AFG1L: variants seen among roughly 807,000 people sequenced by gnomAD.
AFG1L encodes AFG1 like ATPase.
A neutral mutation model predicts 62.2 loss-of-function variants in AFG1L; 53 were observed. That is an observed-to-expected ratio of 0.85 (90% CI 0.68 to 1.07). The LOEUF (loss-of-function observed/expected upper bound fraction) is 1.07. AFG1L is among the 50% of genes least tolerant of loss of function. The probability of loss-of-function intolerance (pLI) is 0.00; values close to 1 mark genes in which losing one functional copy is unlikely to be tolerated. For synonymous variants in AFG1L, 228 were observed against 210.3 expected, an observed-to-expected ratio of 1.08 and a Z score of -0.73; for missense variants, 555 against 590.5, an observed-to-expected ratio of 0.94 and a Z score of 0.62.
intron 12 of AFG1L, 116 bp from the exon 13 acceptor site, chr6:108,522,169 AAAAAAAAGTTAT>A (rs1775149555): frequency 1.3e-6 from 1 of 744,024 alleles, no homozygotes; most frequent in Non-Finnish European, 2.1e-6. Context: ...TGTATATGGA[AAAAAAAAGTTAT>A]AAAAAAAGGC....
At chr6:108,459,777 A>T (rs1310015286) in intron 8 of AFG1L, among the ~76,000 whole-genome samples, 1 of 152,226 alleles carries the variant, frequency 6.6e-6, no homozygotes, top group Non-Finnish European at 1.5e-5. Flanking sequence ...ATGATCACAA[A>T]TTCTATAATA....
At chr6:108,449,761 C>A (rs550511094) in intron 8 of AFG1L, among the ~76,000 whole-genome samples, 4 of 152,100 alleles carry the variant, frequency 2.6e-5, no homozygotes, top group Non-Finnish European at 5.9e-5. Flanking sequence ...CTCTCCCCAC[C>A]CAACAACAGG....
rs749400497 is a variant in AFG1L, at chr6:108,522,287, T to C, written c.1318-10T>C. On this transcript the variant is annotated splice_polypyrimidine_tract_variant and intron_variant, in intron 12 of 12. Coordinates refer to ENST00000368977, the MANE Select transcript of AFG1L (RefSeq NM_145315.5). ...ATAGCTTTATTTTAATTTCTTTGTT[T>C]TATAACCAGGATTCAGCAGAAGGAC... The C allele has an allele frequency of 6.8e-6, 11 of 1,610,224 alleles. No individual in the cohort carries two copies. The African/African-American group carries it at 1.3e-4, about 20-fold the overall frequency.
chr6:108,443,988 C>G (rs993987620), intron 7 of AFG1L, among the ~76,000 whole-genome samples: 6 of 152,022 alleles, frequency 3.9e-5, no homozygotes, highest in Non-Finnish European at 7.4e-5. Flanking sequence ...AAAATGTCAG[C>G]CTATAGTTGT....
chr6:108,497,855 G>A (rs77894636), intron 10 of AFG1L, among the ~76,000 whole-genome samples: 3,760 of 152,136 alleles, frequency 0.025, 157 homozygotes, highest in African/African-American at 0.085. Context: ...TAGTGTTTTC[G>A]TTAGCTCTTG....
Position 108,398,073 on chromosome 6 carries a change from A to G in AFG1L, c.749-3923A>G, listed in dbSNP as rs182415108. On this transcript the variant is annotated intron_variant, in intron 6 of 12. Coordinates refer to ENST00000368977, the MANE Select transcript of AFG1L (RefSeq NM_145315.5). ...TGTACTAATTTACATTCCCACCAAT[A>G]GAGTATTGAGGGTTCCCTTTTCTCT... is the stretch of plus-strand genomic sequence containing the variant. 7.9e-5 allele frequency among the ~76,000 whole-genome samples: 12 copies of G among 152,230 alleles called. No homozygotes were observed. In the East Asian group the frequency reaches 2.1e-3, roughly 27 times the overall value.
chr6:108,494,206 A>G (rs1773881767), intron 10 of AFG1L, among the ~76,000 whole-genome samples: 1 of 151,818 alleles, frequency 6.6e-6, no homozygotes, highest in African/African-American at 2.4e-5. Context: ...TGAGTCCAGC[A>G]CGGTGCTTTT....
intron 7 of AFG1L, among the ~76,000 whole-genome samples, chr6:108,414,197 A>G: frequency 6.6e-6 from 1 of 152,212 alleles, no homozygotes; most frequent in Non-Finnish European, 1.5e-5. Context: ...TCCTGGACAC[A>G]TACACCCTAC....
chr6:108,418,319 A>G (rs1185796474), intron 7 of AFG1L, among the ~76,000 whole-genome samples: 1 of 152,158 alleles, frequency 6.6e-6, no homozygotes, highest in Non-Finnish European at 1.5e-5. Context: ...TGTATTACCT[A>G]TGGCTCTTTT....
At chr6:108,440,586 C>A (rs1423150616) in intron 7 of AFG1L, among the ~76,000 whole-genome samples, 1 of 151,906 alleles carries the variant, frequency 6.6e-6, no homozygotes, top group Non-Finnish European at 1.5e-5. Flanking sequence ...ACCTGTAATG[C>A]CAGCAATTTG....
intron 6 of AFG1L, among the ~76,000 whole-genome samples, chr6:108,400,116 C>T (rs114182939): frequency 1.3e-5 from 2 of 152,188 alleles, no homozygotes; most frequent in Middle Eastern, 3.4e-3. Context: ...AATATAAGCT[C>T]GTGTCACCTG....
intron 1 of AFG1L, among the ~76,000 whole-genome samples, chr6:108,321,727 C>T (rs958699890): frequency 2.0e-5 from 3 of 152,198 alleles, no homozygotes; most frequent in African/African-American, 7.2e-5. Flanking sequence ...GAACCCAAAC[C>T]TTATCCTGGT....
intron 6 of AFG1L, among the ~76,000 whole-genome samples, chr6:108,384,242 T>G (rs1219626637): frequency 6.6e-6 from 1 of 152,126 alleles, no homozygotes; most frequent in Non-Finnish European, 1.5e-5. Flanking sequence ...AAAAACCAGA[T>G]GACAGAGTTT....
At chr6:108,485,646 A>T (rs1338254934) in intron 10 of AFG1L, among the ~76,000 whole-genome samples, 1 of 20,452 alleles carries the variant, frequency 4.9e-5, no homozygotes, top group African/African-American at 2.5e-4. Flanking sequence ...ATATATATAT[A>T]TATATATATA....
At chr6:108,400,807 T>G (rs185744227) in intron 6 of AFG1L, among the ~76,000 whole-genome samples, 2 of 118,430 alleles carry the variant, frequency 1.7e-5, no homozygotes, top group African/African-American at 7.0e-5. Flanking sequence ...TAATATATAA[T>G]AAATATATAT....
intron 3 of AFG1L, among the ~76,000 whole-genome samples, chr6:108,349,243 G>A (rs541299011): frequency 7.2e-5 from 11 of 152,122 alleles, no homozygotes; most frequent in Non-Finnish European, 1.6e-4. Flanking sequence ...CAGCACTTTG[G>A]TAGGCCGAGG....
chr6:108,388,751 A>G (rs1343917882), intron 6 of AFG1L, among the ~76,000 whole-genome samples: 4 of 151,104 alleles, frequency 2.6e-5, no homozygotes, highest in South Asian at 2.1e-4. Flanking sequence ...ACAGTTTGTT[A>G]TAATTTCTGT....
chr6:108,398,469 A>G (rs996810166), intron 6 of AFG1L, among the ~76,000 whole-genome samples: 1 of 151,996 alleles, frequency 6.6e-6, no homozygotes, highest in Non-Finnish European at 1.5e-5. Flanking sequence ...ATGTGATCCC[A>G]TTTGTTCATT....
intron 10 of AFG1L, among the ~76,000 whole-genome samples, chr6:108,508,453 T>A (rs1379087202): frequency 2.0e-5 from 3 of 152,162 alleles, no homozygotes; most frequent in African/African-American, 7.2e-5. Flanking sequence ...GGGCGGAGCT[T>A]GCCTCCTCCT....
Sources: allele counts gnomAD v4.1 joint callset (sites outside exome capture counted in the v4.1 genomes callset), GRCh38; gene constraint gnomAD v4.1.1; transcripts MANE v1.5; gene names NCBI Gene and HGNC (gene_info 2026-07-23, HGNC 2026-07-21).